SKOR2: variants seen among roughly 807,000 people sequenced by gnomAD.
The protein encoded by SKOR2 is SKI family transcriptional corepressor 2.
A neutral mutation model predicts 69.1 loss-of-function variants in SKOR2; 47 were observed. The observed-to-expected ratio is 0.68, with a 90% CI of 0.54 to 0.87. The LOEUF is 0.87. SKOR2 is among the 40% of genes least tolerant of loss of function. The pLI is 0.00. For missense variants in SKOR2, 1,404 were observed against 1,472.2 expected, an observed-to-expected ratio of 0.95 and a Z score of 0.76; for synonymous variants, 717 against 672.6, an observed-to-expected ratio of 1.07 and a Z score of -1.02.
rs532584692 is a variant in SKOR2, at chr18:47,226,428, T to C, written c.2917+4031A>G. 1.4e-4 allele frequency among the ~76,000 whole-genome samples: 22 copies of C among 152,278 alleles called. 1 individual carries two copies. The highest frequency in any genetic ancestry group is 4.1e-4 in the African/African-American group (17 of 41,556). ...AAAACATGTTTGACCAGCCATCCTATTGTCATCTCAAAGTAACCTTGATAA... is the reference window on the plus strand; with the variant it reads ...AAAACATGTTTGACCAGCCATCCTACTGTCATCTCAAAGTAACCTTGATAA... On this transcript the variant is annotated intron_variant, in intron 6 of 8. Coordinates refer to ENST00000425639, the MANE Select transcript of SKOR2 (RefSeq NM_001278063.4).
At chr18:47,213,178 G>A (rs1034598464) in intron 7 of SKOR2, among the ~76,000 whole-genome samples, 1 of 151,780 alleles carries the variant, frequency 6.6e-6, no homozygotes, top group South Asian at 2.1e-4. Flanking sequence ...ACTAACCCCC[G>A]TTAAGGTGCT....
At chr18:47,238,024 G>T (rs751814840) in intron 4 of SKOR2, among the ~76,000 whole-genome samples, 1 of 151,938 alleles carries the variant, frequency 6.6e-6, no homozygotes, top group African/African-American at 2.4e-5. Context: ...CCTTGTCTTG[G>T]CTGTCTCCCT....
At position 47,246,924 on chromosome 18, in the gene SKOR2, C is replaced by T; in HGVS notation, c.2260G>A (p.Gly754Ser). ...TCTCGACCTTCCTCCTCTTCCTCGCCCTCGGGGGGCTTGTGGCCCTCCACG... is the reference window on the plus strand; with the variant it reads ...TCTCGACCTTCCTCCTCTTCCTCGCTCTCGGGGGGCTTGTGGCCCTCCACG... ...VDVEGHKPPE[G>S]EEEEEGRDPD... The change falls in exon 2 of 9, where the codon GGC becomes AGC. Residue 754 changes from glycine to serine, a missense_variant. Gly to Ser is a moderately conservative substitution (Grantham distance 56). This residue lies in a region of SKOR2 where 1,266 missense variants were observed against 1,309.9 expected (regional missense o/e 0.97). Transcript: ENST00000425639. The T allele has an allele frequency of 1.3e-6, 2 of 1,495,898 alleles. No homozygotes were observed. The highest frequency in any genetic ancestry group is 1.4e-5 in the African/African-American group (1 of 69,190). The allele number at this position is 1,495,898 out of a possible 1,614,324, so 92.7% of individuals were successfully genotyped here.
intron 4 of SKOR2, among the ~76,000 whole-genome samples, chr18:47,232,784 C>T (rs552296094): frequency 1.1e-4 from 16 of 152,314 alleles, no homozygotes; most frequent in East Asian, 1.9e-4. Flanking sequence ...TTACAGTAAG[C>T]GGGGGCCAGA....
At chr18:47,220,626 G>A (rs2247784) in intron 6 of SKOR2, among the ~76,000 whole-genome samples, 58,330 of 151,972 alleles carry the variant, frequency 0.38, 11,892 homozygotes, top group Middle Eastern at 0.48. Context: ...GAGAAGAAGA[G>A]AACTTTAAGA....
At chr18:47,242,841 T>C (rs1460843380) in intron 4 of SKOR2, among the ~76,000 whole-genome samples, 1 of 152,146 alleles carries the variant, frequency 6.6e-6, no homozygotes. Context: ...TAAATTACAA[T>C]GCACTAATTT....
rs978691424 is a variant in SKOR2 at position 47,247,548 on chromosome 18, G to A, written c.1636C>T (p.Pro546Ser). ...VANGPGSGPP[P>S]PAGGAGSRDA... Reference sequence around the variant, plus strand: ...CGAGAGCCGGCGCCCCCGGCAGGAGGAGGTGGGCCGGAGCCCGGGCCGTTG... The same window carrying A: ...CGAGAGCCGGCGCCCCCGGCAGGAGAAGGTGGGCCGGAGCCCGGGCCGTTG... The change falls in exon 2 of 9, where the codon CCT (proline) becomes TCT (serine). Residue 546 changes from proline (P) to serine (S), a missense_variant. By Grantham distance (74) the Pro-to-Ser change is moderately conservative. This residue lies in a region of SKOR2 where 1,266 missense variants were observed against 1,309.9 expected (regional missense o/e 0.97). Transcript: ENST00000425639. This position sits in a 1 kb window ranked among gnomAD's most constrained non-coding sequence, Gnocchi z 6.6. The A allele has an allele frequency of 2.5e-6, 3 of 1,223,916 alleles. No homozygotes were observed. The highest frequency in any genetic ancestry group is 8.7e-5 in the Admixed American group (2 of 23,028). 75.8% of individuals were successfully genotyped at this position (1,223,916 alleles called of 1,614,324 possible). A position where few individuals can be genotyped will look rare whatever the true frequency, so the allele number is the denominator to read the frequency against.
At chr18:47,212,231 C>A in intron 7 of SKOR2, 80 bp from the exon 8 acceptor site, 2 of 1,187,088 alleles carry the variant, frequency 1.7e-6, no homozygotes. Flanking sequence ...TTCATCATGC[C>A]TAACAATTTG....
chr18:47,231,673 G>T (rs1169918937), intron 4 of SKOR2, among the ~76,000 whole-genome samples: 1 of 151,826 alleles, frequency 6.6e-6, no homozygotes. Context: ...GAGAAACCCC[G>T]TCTCTATGAA....
intron 6 of SKOR2, among the ~76,000 whole-genome samples, chr18:47,227,022 A>C (rs977877945): frequency 6.6e-6 from 1 of 152,122 alleles, no homozygotes; most frequent in Non-Finnish European, 1.5e-5. Flanking sequence ...CATCAGGGCT[A>C]TGCATAAGTA....
rs1331540248 is a variant in SKOR2, at chr18:47,247,579, T to C, written c.1605A>G (p.Val535=). ...GGCCGGAGCCCGGGCCGTTGGCCAC[T>C]ACCTGCGGGGGCTGCCCCGGCGGGG... ...AAPPPGQPPQ[V]VANGPGSGPP... is the part of the protein sequence containing the mutation. The change falls in exon 2 of 9, where the codon GTA becomes GTG. Residue 535 remains valine (V), a synonymous_variant. Transcript: ENST00000425639. The surrounding 1 kb of genome is among the most constrained non-coding windows in gnomAD (Gnocchi z 6.6). 2 of 1,250,436 alleles carry C rather than the reference T, an allele frequency of 1.6e-6. No individual in the cohort carries two copies. Among genetic ancestry groups the C allele is most frequent in the Non-Finnish European group, 2.0e-6 (2 of 999,544 alleles). The allele number at this position is 1,250,436 out of a possible 1,614,324, so 77.5% of individuals were successfully genotyped here.
chr18:47,223,744 T>C (rs768205472), intron 6 of SKOR2, among the ~76,000 whole-genome samples: 17 of 152,254 alleles, frequency 1.1e-4, no homozygotes, highest in Non-Finnish European at 2.1e-4. Context: ...AATGTTAACA[T>C]TGGTTATCTC....
At chr18:47,237,839 T>C (rs2064231323) in intron 4 of SKOR2, among the ~76,000 whole-genome samples, 1 of 151,952 alleles carries the variant, frequency 6.6e-6, no homozygotes, top group Non-Finnish European at 1.5e-5. Context: ...TGTGCCACTA[T>C]GCCAGGCTAA....
intron 7 of SKOR2, 60 bp downstream of exon 7, chr18:47,219,883 G>T: frequency 7.1e-7 from 1 of 1,398,952 alleles, no homozygotes; most frequent in South Asian, 1.2e-5. Flanking sequence ...CATACATATT[G>T]GGTAGTCTGA....
rs1389228234 is a variant in SKOR2 at position 47,249,145 on chromosome 18, C to G, written c.39G>C (p.Leu13=). ...SSPLPGPNDI[L]LASPSSAFQP... ...GGAAGGCGCTCGACGGCGACGCCAG[C>G]AGGATGTCGTTGGGCCCTGGCAGCG... Residue 13 remains leucine (L), a synonymous_variant, in exon 2 of 9, where the codon CTG becomes CTC. Coordinates refer to ENST00000425639, the MANE Select transcript of SKOR2 (RefSeq NM_001278063.4). 6.5e-7 allele frequency: 1 copy of G among 1,535,668 alleles called. No homozygotes were observed. The highest frequency in any genetic ancestry group is 2.4e-5 in the East Asian group (1 of 40,908).
At chr18:47,227,920 C>A (rs1323530709) in intron 6 of SKOR2, among the ~76,000 whole-genome samples, 2 of 152,236 alleles carry the variant, frequency 1.3e-5, no homozygotes, top group Non-Finnish European at 2.9e-5. Context: ...TTAATTCTCA[C>A]ATGCTACAGC....
intron 3 of SKOR2, 27 bp from the exon 4 acceptor site, chr18:47,245,009 T>G: frequency 6.5e-7 from 1 of 1,526,882 alleles, no homozygotes; most frequent in African/African-American, 1.4e-5. Flanking sequence ...ACACAAAATC[T>G]GCAAGTGATC....
intron 4 of SKOR2, among the ~76,000 whole-genome samples, chr18:47,239,504 C>T (rs1421611402): frequency 6.6e-6 from 1 of 152,134 alleles, no homozygotes; most frequent in Non-Finnish European, 1.5e-5. Flanking sequence ...AATTCATGAT[C>T]AAAATTTATT....
intron 8 of SKOR2, among the ~76,000 whole-genome samples, chr18:47,208,372 AT>A (rs1184307678): frequency 6.6e-6 from 1 of 152,224 alleles, no homozygotes; most frequent in East Asian, 1.9e-4. Flanking sequence ...AGTATCTGGC[AT>A]AGTTAGTGCT....
Sources: gnomAD v4.1 joint callset for allele counts (sites outside exome capture counted in the v4.1 genomes callset) on GRCh38, gnomAD v4.1.1 for gene constraint, gnomAD v4.1.1 regional missense constraint, Gnocchi (gnomAD v3.1) non-coding constraint, MANE v1.5 for transcripts, NCBI Gene and HGNC (gene_info 2026-07-23, HGNC 2026-07-21) for gene names.